Variants in ACSF3 observed in about 807,000 individuals in gnomAD.
The protein encoded by ACSF3 is acyl-CoA synthetase family member 3, also known as malonate--CoA ligase ACSF3, mitochondrial.
In ACSF3, 78 loss-of-function variants were observed where a neutral mutation model predicts 53.2. That is an observed-to-expected ratio of 1.47 (90% CI 1.22 to 1.77). The LOEUF (loss-of-function observed/expected upper bound fraction) is 1.77, where lower values mean the gene tolerates loss of function less well. ACSF3 is among the 40% of genes most tolerant of loss of function. The probability of loss-of-function intolerance (pLI) is 0.00; values close to 1 mark genes in which losing one functional copy is unlikely to be tolerated. For synonymous variants in ACSF3, 414 were observed against 333.1 expected (o/e 1.24, Z -2.65); for missense variants, 937 against 771.1 (o/e 1.22, Z -2.55).
chr16:89,127,813 T>C (rs984152907), intron 7 of ACSF3, among the ~76,000 whole-genome samples: 2 of 152,196 alleles, frequency 1.3e-5, no homozygotes, highest in Admixed American at 6.5e-5. Flanking sequence ...AGTTTCTTTA[T>C]GTAGAGTTTC....
intron 7 of ACSF3, among the ~76,000 whole-genome samples, chr16:89,130,605 T>C (rs1909079736): frequency 6.6e-6 from 1 of 152,070 alleles, no homozygotes; most frequent in African/African-American, 2.4e-5. Flanking sequence ...TAACTCCACT[T>C]CTTTCCGGCC....
At chr16:89,153,612 C>A (rs1254179212) in intron 10 of ACSF3, 3 of 251,276 alleles carry the variant, frequency 1.2e-5, no homozygotes, top group South Asian at 1.0e-4. Flanking sequence ...GCGGCATTTA[C>A]TCCCATCTCA....
chr16:89,101,296 C>T lies in ACSF3; in HGVS notation c.615C>T (p.Thr205=). ...KGAMIIYTSG[T]TGRPKGVLST... ...CCATGATCATCTACACCAGTGGGACCACGGGGAGGCCCAAGGGCGTGCTGA... is the reference window on the plus strand; with the variant it reads ...CCATGATCATCTACACCAGTGGGACTACGGGGAGGCCCAAGGGCGTGCTGA... Residue 205 remains threonine, a synonymous_variant, in exon 3 of 11, where the codon ACC becomes ACT. Coordinates refer to ENST00000614302, the MANE Select transcript of ACSF3 (RefSeq NM_001243279.3). 6.2e-7 allele frequency: 1 copy of T among 1,602,668 alleles called. No homozygotes were observed. Among genetic ancestry groups the T allele is most frequent in the Non-Finnish European group, 8.5e-7 (1 of 1,175,156 alleles).
chr16:89,106,296 AT>A (rs11393084), intron 4 of ACSF3, among the ~76,000 whole-genome samples: 106 of 147,304 alleles, frequency 7.2e-4, no homozygotes, highest in African/African-American at 2.6e-3. Context: ...TGAAAACTTA[AT>A]TTTTTTTTTT....
At chr16:89,101,875 T>C (rs1013814050) in intron 3 of ACSF3, among the ~76,000 whole-genome samples, 11 of 152,224 alleles carry the variant, frequency 7.2e-5, no homozygotes, top group Non-Finnish European at 1.5e-4. Context: ...GCAGGAAGTG[T>C]ACCCCACGGA....
rs1407165083 is a variant in ACSF3 at position 89,154,103 on chromosome 16, C to T, written c.1627C>T (p.Pro543Ser). 1.9e-6 allele frequency: 3 copies of T among 1,612,826 alleles called. No homozygotes were observed. The highest frequency in any genetic ancestry group is 2.2e-5 in the South Asian group (2 of 90,724). Residue 543 changes from proline to serine, a missense_variant, in exon 11 of 11, where the codon CCG becomes TCG. Transcript: ENST00000614302. The part of the protein sequence containing the change: ...LKEWARNVLA[P>S]YAVPSELVLV... ...TTGTCTCTGCAGAAATGTCCTGGCC[C>T]CGTACGCGGTGCCCTCGGAGCTGGT... is the stretch of plus-strand genomic sequence containing the variant.
chr16:89,126,575 T>G (rs2151498797), intron 7 of ACSF3, among the ~76,000 whole-genome samples: 2 of 152,348 alleles, frequency 1.3e-5, no homozygotes, highest in African/African-American at 4.8e-5. Flanking sequence ...AGTCACGTTT[T>G]TGTTGCTGTT....
intron 8 of ACSF3, among the ~76,000 whole-genome samples, chr16:89,139,394 G>T (rs767645342): frequency 6.6e-6 from 1 of 152,076 alleles, no homozygotes. Flanking sequence ...TTCCTGAGGC[G>T]GGTGTGTAGG....
At chr16:89,137,728 T>G (rs1017584503) in intron 8 of ACSF3, among the ~76,000 whole-genome samples, 2 of 152,020 alleles carry the variant, frequency 1.3e-5, no homozygotes, top group African/African-American at 4.8e-5. Flanking sequence ...AGTGGGGGGC[T>G]GGAGAACCCC....
At chr16:89,140,275 G>GC (rs377262584) in intron 8 of ACSF3, among the ~76,000 whole-genome samples, 118 of 152,368 alleles carry the variant, frequency 7.7e-4, no homozygotes, top group African/African-American at 2.5e-3. Flanking sequence ...CTGGCCAGGT[G>GC]CCCCGGGGTA....
At chr16:89,128,841 T>C (rs1399084400) in intron 7 of ACSF3, among the ~76,000 whole-genome samples, 2 of 152,098 alleles carry the variant, frequency 1.3e-5, no homozygotes, top group African/African-American at 2.4e-5. Context: ...AAAGAGTATA[T>C]ATTCTGCCCA....
chr16:89,138,494 G>A (rs1316309563), intron 8 of ACSF3, among the ~76,000 whole-genome samples: 1 of 152,236 alleles, frequency 6.6e-6, no homozygotes, highest in Non-Finnish European at 1.5e-5. Context: ...GCCGACCAAG[G>A]TCAGAGCCGA....
chr16:89,109,622 G>A (rs1976450205), intron 4 of ACSF3, among the ~76,000 whole-genome samples: 2 of 152,030 alleles, frequency 1.3e-5, no homozygotes. Flanking sequence ...GTGTTGGCCA[G>A]GCTGGTCTTG....
At chr16:89,116,935 G>T (rs1425964632) in intron 6 of ACSF3, among the ~76,000 whole-genome samples, 1 of 152,216 alleles carries the variant, frequency 6.6e-6, no homozygotes, top group Non-Finnish European at 1.5e-5. Context: ...TGGGGACCTT[G>T]AAATCAAATG....
intron 1 of ACSF3, among the ~76,000 whole-genome samples, chr16:89,095,493 G>C (rs570732977): frequency 1.1e-4 from 16 of 151,806 alleles, no homozygotes; most frequent in Admixed American, 2.0e-4. Flanking sequence ...GTGTGATGCT[G>C]AAACGCATCC....
intron 4 of ACSF3, among the ~76,000 whole-genome samples, chr16:89,104,976 G>A (rs11640002): frequency 0.16 from 24,171 of 151,716 alleles, 2,226 homozygotes; most frequent in African/African-American, 0.26. Context: ...GCACACTTGC[G>A]TGATTAGCCG....
rs1270694353 is a variant in ACSF3, at chr16:89,093,989, T to C, written c.-201T>C. The C allele has an allele frequency of 4.6e-6, 1 of 217,190 alleles. No individual in the cohort carries two copies. Among genetic ancestry groups the C allele is most frequent in the Non-Finnish European group, 9.9e-6 (1 of 100,756 alleles). The allele number at this position is 217,190 out of a possible 1,614,324, so 13.5% of individuals were successfully genotyped here. A position where few individuals can be genotyped will look rare whatever the true frequency, so the allele number is the denominator to read the frequency against. ...AGATCCTGCCCCGTGGCCGCGGCCG[T>C]CTCGTAGGTGCGGGCGGCGGGGCCC... On this transcript the variant is annotated 5_prime_UTR_variant, in exon 1 of 11. Coordinates refer to ENST00000614302, the MANE Select transcript of ACSF3 (RefSeq NM_001243279.3).
rs748712754 is a variant in ACSF3, at chr16:89,133,133, C to T, written c.1240-3C>T. 6.2e-7 allele frequency: 1 copy of T among 1,613,700 alleles called. No individual in the cohort carries two copies. Among genetic ancestry groups the T allele is most frequent in the South Asian group, 1.1e-5 (1 of 91,070 alleles). Reference sequence around the variant, plus strand: ...TGACCTCCATGTTCTTCATCCTCCACAGGTGACCCCAGGGTTTGAAGAAAA... The same window carrying T: ...TGACCTCCATGTTCTTCATCCTCCATAGGTGACCCCAGGGTTTGAAGAAAA... On this transcript the variant is annotated splice_polypyrimidine_tract_variant and splice_region_variant and intron_variant, in intron 7 of 10. Transcript: ENST00000614302.
rs1428527365 is a variant in ACSF3 at position 89,102,868 on chromosome 16, G to T, written c.822+109G>T. 4 of 1,497,850 alleles carry T rather than the reference G, an allele frequency of 2.7e-6. No homozygotes were observed. In the Middle Eastern group the frequency reaches 7.1e-4, roughly 268 times the overall value. The allele number at this position is 1,497,850 out of a possible 1,614,324, so 92.8% of individuals were successfully genotyped here. A position where few individuals can be genotyped will look rare whatever the true frequency, so the allele number is the denominator to read the frequency against. On this transcript the variant is annotated intron_variant, in intron 4 of 10. Coordinates refer to ENST00000614302, the MANE Select transcript of ACSF3 (RefSeq NM_001243279.3). ...CAGCCTAAGCGCCTTTCGCTGGTTGGGGTCAGGGCTCTCGGCCGCGCCCTC... is the reference window on the plus strand; with the variant it reads ...CAGCCTAAGCGCCTTTCGCTGGTTGTGGTCAGGGCTCTCGGCCGCGCCCTC...
Sources: gnomAD v4.1 joint callset for allele counts (sites outside exome capture counted in the v4.1 genomes callset) on GRCh38, gnomAD v4.1.1 for gene constraint, MANE v1.5 for transcripts, NCBI Gene and HGNC (gene_info 2026-07-23, HGNC 2026-07-21) for gene names.